ADAMTSL1: variants seen among roughly 807,000 people sequenced by gnomAD.
The protein encoded by ADAMTSL1 is ADAMTS like 1.
ADAMTSL1 carries 126 observed loss-of-function variants against 201.8 expected under a neutral mutation model. The ratio of observed to expected loss-of-function variants is 0.62; its 90% CI spans 0.54 to 0.72. ADAMTSL1 has a LOEUF of 0.72. Among genes scored for constraint, ADAMTSL1 ranks in the 30% least tolerant of loss-of-function variants. The pLI is 0.00. For missense variants in ADAMTSL1, 2,679 were observed against 2,277.8 expected (o/e 1.18, Z -3.59); for synonymous variants, 1,121 against 903.4 (o/e 1.24, Z -4.32).
chr9:17,949,264 G>T lies in ADAMTSL1; in HGVS notation c.87+42342G>T, dbSNP rs146769650. 4.7e-3 allele frequency among the ~76,000 whole-genome samples: 709 copies of T among 152,280 alleles called. 4 individuals are homozygous for T. Among genetic ancestry groups the T allele is most frequent in the African/African-American group, 0.016 (675 of 41,562 alleles). On this transcript the variant is annotated intron_variant, in intron 1 of 29. Transcript: ENST00000680146. ...CCAGAGGCTCAGTGGTAGAAGTGAG[G>T]GAGGTAGTCTCCCAGGGACAGAGTC... is the stretch of plus-strand genomic sequence containing the variant.
chr9:18,553,088 G>T (rs1415420807), intron 3 of ADAMTSL1, among the ~76,000 whole-genome samples: 1 of 150,424 alleles, frequency 6.6e-6, no homozygotes, highest in Non-Finnish European at 1.5e-5. Flanking sequence ...CCATCTATTT[G>T]CTGTCACTAT....
intron 1 of ADAMTSL1, among the ~76,000 whole-genome samples, chr9:17,936,754 G>A (rs912585551): frequency 1.5e-4 from 23 of 152,240 alleles, no homozygotes; most frequent in Admixed American, 1.4e-3. Flanking sequence ...CCTCGCCACC[G>A]CCTGCATGGA....
chr9:18,267,427 A>G (rs930756082), intron 2 of ADAMTSL1, among the ~76,000 whole-genome samples: 2 of 152,152 alleles, frequency 1.3e-5, no homozygotes, highest in African/African-American at 4.8e-5. Context: ...ATTAGTTCAT[A>G]CACAGAAACT....
intron 15 of ADAMTSL1, among the ~76,000 whole-genome samples, chr9:18,736,497 T>A (rs1818506803): frequency 6.6e-6 from 1 of 152,090 alleles, no homozygotes; most frequent in Non-Finnish European, 1.5e-5. Context: ...CATGGTGGAG[T>A]GAAGTGAAAC....
intron 15 of ADAMTSL1, among the ~76,000 whole-genome samples, chr9:18,743,281 C>G (rs1818946881): frequency 6.6e-6 from 1 of 152,008 alleles, no homozygotes; most frequent in Non-Finnish European, 1.5e-5. Context: ...TATAATTGGA[C>G]CTAGTTTTGG....
intron 4 of ADAMTSL1, among the ~76,000 whole-genome samples, chr9:18,589,643 C>T (rs763565961): frequency 3.9e-5 from 6 of 152,080 alleles, no homozygotes; most frequent in Non-Finnish European, 8.8e-5. Context: ...GCATCCTTGT[C>T]TCATTTCAGG....
chr9:18,189,990 AAG>A (rs1363008736), intron 2 of ADAMTSL1, among the ~76,000 whole-genome samples: 1 of 152,190 alleles, frequency 6.6e-6, no homozygotes, highest in African/African-American at 2.4e-5. Flanking sequence ...TGCCCAATTA[AAG>A]GTTGTCATAA....
intron 1 of ADAMTSL1, among the ~76,000 whole-genome samples, chr9:18,001,501 A>G (rs1819610591): frequency 6.6e-6 from 1 of 152,060 alleles, no homozygotes; most frequent in Non-Finnish European, 1.5e-5. Context: ...ATAGAAAGCT[A>G]CTGATCCCAT....
intron 2 of ADAMTSL1, among the ~76,000 whole-genome samples, chr9:18,363,653 C>A (rs1563914003): frequency 6.6e-6 from 1 of 152,148 alleles, no homozygotes; most frequent in Non-Finnish European, 1.5e-5. Context: ...TGCTATGGTA[C>A]TTATGGTGAG....
chr9:18,567,991 A>G (rs956263128), intron 3 of ADAMTSL1, among the ~76,000 whole-genome samples: 1 of 152,186 alleles, frequency 6.6e-6, no homozygotes, highest in African/African-American at 2.4e-5. Flanking sequence ...TACTATAACA[A>G]CATGCTGTAA....
chr9:18,182,294 A>T (rs1828531216), intron 2 of ADAMTSL1, among the ~76,000 whole-genome samples: 1 of 152,170 alleles, frequency 6.6e-6, no homozygotes, highest in African/African-American at 2.4e-5. Context: ...ATAAAAAAAA[A>T]AAAAAGAAGA....
intron 2 of ADAMTSL1, among the ~76,000 whole-genome samples, chr9:18,356,377 C>G (rs1377555338): frequency 6.6e-6 from 1 of 151,992 alleles, no homozygotes; most frequent in East Asian, 1.9e-4. Context: ...ATTTGGCTGC[C>G]TCCTCTTGCT....
intron 2 of ADAMTSL1, among the ~76,000 whole-genome samples, chr9:18,209,673 T>C (rs1829791315): frequency 6.6e-6 from 1 of 152,212 alleles, no homozygotes; most frequent in Non-Finnish European, 1.5e-5. Context: ...ATTTACTTTT[T>C]CTGATTGAAA....
intron 2 of ADAMTSL1, among the ~76,000 whole-genome samples, chr9:18,453,851 G>T (rs1223899774): frequency 5.3e-5 from 8 of 152,140 alleles, no homozygotes; most frequent in Admixed American, 5.2e-4. Context: ...AGAGTCCTTA[G>T]CATTTTTTGA....
At chr9:18,875,531 G>A (rs1043734765) in intron 23 of ADAMTSL1, among the ~76,000 whole-genome samples, 1 of 151,948 alleles carries the variant, frequency 6.6e-6, no homozygotes, top group African/African-American at 2.4e-5. Context: ...TCAGGAGCAG[G>A]TTAATTACCA....
chr9:18,415,749 C>T (rs1818646751), intron 2 of ADAMTSL1, among the ~76,000 whole-genome samples: 1 of 151,946 alleles, frequency 6.6e-6, no homozygotes, highest in Non-Finnish European at 1.5e-5. Flanking sequence ...TAAGTCACAT[C>T]CTAATCAAAT....
intron 4 of ADAMTSL1, among the ~76,000 whole-genome samples, chr9:18,599,996 C>CAAAAAAAAA (rs57914274): frequency 8.2e-3 from 706 of 86,368 alleles, no homozygotes; most frequent in African/African-American, 9.3e-3. Context: ...ACTAAAAATA[C>CAAAAAAAAA]AAAAAAAAAA....
At chr9:18,054,106 A>G (rs368876548) in intron 1 of ADAMTSL1, among the ~76,000 whole-genome samples, 49 of 152,296 alleles carry the variant, frequency 3.2e-4, no homozygotes, top group African/African-American at 1.2e-3. Flanking sequence ...TCTTTTATAA[A>G]GCATAGTTTT....
intron 2 of ADAMTSL1, among the ~76,000 whole-genome samples, chr9:18,200,758 A>C (rs543465270): frequency 6.6e-6 from 1 of 152,194 alleles, no homozygotes; most frequent in Non-Finnish European, 1.5e-5. Context: ...TAATGTATAT[A>C]AAATAAAATA....
Sources: allele counts gnomAD v4.1 joint callset (sites outside exome capture counted in the v4.1 genomes callset), GRCh38; gene constraint gnomAD v4.1.1; transcripts MANE v1.5; gene names NCBI Gene and HGNC (gene_info 2026-07-23, HGNC 2026-07-21).